DMD: variants seen among roughly 807,000 people sequenced by gnomAD.
DMD encodes the protein mutant dystrophin.
DMD carries 63 observed loss-of-function variants against 330.1 expected under a neutral mutation model. That is an observed-to-expected ratio of 0.19 (90% CI 0.16 to 0.24). The LOEUF (loss-of-function observed/expected upper bound fraction) is 0.24. DMD is among the 10% of genes least tolerant of loss of function. The pLI, the probability that DMD is intolerant of heterozygous loss-of-function variation, is 1.00. For missense variants in DMD, 3,344 were observed against 2,684.1 expected (o/e 1.25, Z -5.43); for synonymous variants, 1,223 against 959.8 (o/e 1.27, Z -5.07).
At chrX:32,286,029 A>G (rs112467219) in intron 43 of DMD, among the ~76,000 whole-genome samples, 9 of 111,237 alleles carry the variant, frequency 8.1e-5, no homozygotes, top group African/African-American at 2.3e-4. Flanking sequence ...AATCTGGTAG[A>G]CTATCCAAAG....
intron 59 of DMD, among the ~76,000 whole-genome samples, chrX:31,449,817 A>AGATAGATAGATAGAT (rs35763462): frequency 2.4e-5 from 2 of 83,237 alleles, no homozygotes; most frequent in Admixed American, 1.4e-4. Flanking sequence ...GATAGATAGA[A>AGATAGATAGATAGAT]ATCTGGCTAT....
At chrX:31,269,929 T>C (rs2051490414) in intron 62 of DMD, among the ~76,000 whole-genome samples, 1 of 111,995 alleles carries the variant, frequency 8.9e-6, no homozygotes, top group South Asian at 3.8e-4. Context: ...TCCTGCCGTT[T>C]GGCTTCCTTT....
intron 62 of DMD, among the ~76,000 whole-genome samples, chrX:31,263,192 A>T (rs1569509485): frequency 8.9e-6 from 1 of 112,687 alleles, no homozygotes; most frequent in East Asian, 2.8e-4. Context: ...GCCTGATCAG[A>T]CAGAGACAGG....
intron 17 of DMD, among the ~76,000 whole-genome samples, chrX:32,538,123 A>G (rs2048158497): frequency 8.9e-6 from 1 of 112,179 alleles, no homozygotes; most frequent in Admixed American, 9.4e-5. Context: ...ATGCAACAGT[A>G]GCATCCCTTA....
chrX:31,301,256 G>C (rs899240380), intron 62 of DMD, among the ~76,000 whole-genome samples: 2 of 111,683 alleles, frequency 1.8e-5, no homozygotes, highest in Admixed American at 9.5e-5. Context: ...ACAGTAGCTA[G>C]TCACCATGAA....
chrX:32,243,315 C>T (rs1402952622), intron 43 of DMD, among the ~76,000 whole-genome samples: 5 of 111,527 alleles, frequency 4.5e-5, no homozygotes, highest in Non-Finnish European at 9.4e-5. Flanking sequence ...AAGCTGGTTT[C>T]ACATGATGCT....
At chrX:32,709,598 A>G (rs925899347) in intron 7 of DMD, among the ~76,000 whole-genome samples, 8 of 110,818 alleles carry the variant, frequency 7.2e-5, no homozygotes, top group Non-Finnish European at 1.5e-4. Flanking sequence ...CATCTCAAAT[A>G]CCGAAGGCCA....
chrX:31,807,547 AAAAAGAAAAGAAAAG>A (rs757551741), intron 50 of DMD, among the ~76,000 whole-genome samples: 6 of 111,009 alleles, frequency 5.4e-5, no homozygotes, highest in African/African-American at 9.8e-5. Context: ...GAGGAGCCAA[AAAAAGAAAAGAAAAG>A]AAAAGAAAAG....
At chrX:32,511,519 C>G (rs1304537081) in intron 18 of DMD, among the ~76,000 whole-genome samples, 1 of 41,158 alleles carries the variant, frequency 2.4e-5, no homozygotes, top group Admixed American at 3.6e-4. Context: ...GAGGCTCCGT[C>G]TCGGGAAAAA....
intron 48 of DMD, among the ~76,000 whole-genome samples, chrX:31,844,156 G>T (rs1054199138): frequency 4.5e-5 from 5 of 112,010 alleles, no homozygotes; most frequent in African/African-American, 1.3e-4. Flanking sequence ...ACCGCACCTG[G>T]CTGAGATTTT....
chrX:32,555,313 G>A (rs192017901), intron 16 of DMD, among the ~76,000 whole-genome samples: 156 of 111,087 alleles, frequency 1.4e-3, no homozygotes, highest in Non-Finnish European at 1.5e-3. Flanking sequence ...AAAATAATAA[G>A]AGCCATAAAT....
intron 1 of DMD, among the ~76,000 whole-genome samples, chrX:33,051,558 G>A (rs2094456953): frequency 1.9e-5 from 2 of 107,677 alleles, no homozygotes; most frequent in African/African-American, 6.9e-5. Context: ...TTTACTTAAT[G>A]ATTGTAATTA....
At chrX:32,973,805 C>A (rs192887794) in intron 2 of DMD, among the ~76,000 whole-genome samples, 181 of 111,566 alleles carry the variant, frequency 1.6e-3, no homozygotes, top group Non-Finnish European at 2.7e-3. Flanking sequence ...AGTGGGATAC[C>A]CTGCCAATAT....
At chrX:33,293,348 A>T (rs1403490036) in intron 1 of DMD, among the ~76,000 whole-genome samples, 1 of 111,564 alleles carries the variant, frequency 9.0e-6, no homozygotes, top group Non-Finnish European at 1.9e-5. Context: ...AAGAAGAGAC[A>T]GTTGAGAGGC....
At chrX:32,052,509 G>A (rs182424805) in intron 44 of DMD, among the ~76,000 whole-genome samples, 1 of 110,559 alleles carries the variant, frequency 9.0e-6, no homozygotes, top group Non-Finnish European at 1.9e-5. Flanking sequence ...CCACTTTACC[G>A]GTCTTCTCAT....
At chrX:31,721,706 CTCTCTCTCTCTCTATATATA>C (rs1363090053) in intron 52 of DMD, among the ~76,000 whole-genome samples, 4 of 49,364 alleles carry the variant, frequency 8.1e-5, no homozygotes, top group Admixed American at 3.5e-4. Flanking sequence ...CTCTCTCTCT[CTCTCTCTCTCTCTATATATA>C]TATATATATA....
chrX:31,523,447 C>T (rs73453964), intron 55 of DMD, among the ~76,000 whole-genome samples: 2 of 110,883 alleles, frequency 1.8e-5, no homozygotes. Context: ...AAAATGGCAC[C>T]AAAATGTGAT....
chrX:31,820,458 A>G (rs1375483334), intron 49 of DMD, among the ~76,000 whole-genome samples: 1 of 112,347 alleles, frequency 8.9e-6, no homozygotes, highest in Non-Finnish European at 1.9e-5. Context: ...ATCCTAATGT[A>G]CTGGCTCACC....
At chrX:32,037,708 T>A (rs1249577181) in intron 44 of DMD, among the ~76,000 whole-genome samples, 1 of 111,449 alleles carries the variant, frequency 9.0e-6, no homozygotes, top group Admixed American at 9.6e-5. Flanking sequence ...TGATACTCAT[T>A]ATACGTGCCA....
Sources: gnomAD v4.1 joint callset for allele counts (sites outside exome capture counted in the v4.1 genomes callset) on GRCh38, gnomAD v4.1.1 for gene constraint, MANE v1.5 for transcripts, NCBI Gene and HGNC (gene_info 2026-07-23, HGNC 2026-07-21) for gene names.